ZBTB20: variants seen among roughly 807,000 people sequenced by gnomAD.
ZBTB20 encodes the protein zinc finger and BTB domain-containing protein 20.
A neutral mutation model predicts 56.9 loss-of-function variants in ZBTB20; 9 were observed. The observed-to-expected ratio is 0.16, with a 90% CI of 0.10 to 0.28. The LOEUF (loss-of-function observed/expected upper bound fraction) is 0.28, where lower values mean the gene tolerates loss of function less well. Among genes scored for constraint, ZBTB20 ranks in the 10% least tolerant of loss-of-function variants. The pLI is 1.00. For synonymous variants in ZBTB20, 417 were observed against 420.7 expected, an observed-to-expected ratio of 0.99 and a Z score of 0.11; for missense variants, 655 against 1,003.0, an observed-to-expected ratio of 0.65 and a Z score of 4.69.
chr3:114,385,560 C>A (rs1463066183), intron 8 of ZBTB20, among the ~76,000 whole-genome samples: 3 of 152,210 alleles, frequency 2.0e-5, no homozygotes, highest in African/African-American at 7.2e-5. Flanking sequence ...TGATATTCAT[C>A]ATGTTAGCTT....
chr3:115,064,010 C>A (rs2082112667), intron 2 of ZBTB20, among the ~76,000 whole-genome samples: 1 of 151,948 alleles, frequency 6.6e-6, no homozygotes, highest in South Asian at 2.1e-4. Flanking sequence ...TGTCACTTTG[C>A]CCCCCACATT....
chr3:114,440,803 G>A (rs1268892900), intron 7 of ZBTB20, among the ~76,000 whole-genome samples: 1 of 152,162 alleles, frequency 6.6e-6, no homozygotes, highest in Non-Finnish European at 1.5e-5. Context: ...GGCAGAACCT[G>A]CTCATCAACA....
At chr3:114,719,807 T>C (rs2064783694) in intron 5 of ZBTB20, among the ~76,000 whole-genome samples, 1 of 152,120 alleles carries the variant, frequency 6.6e-6, no homozygotes, top group South Asian at 2.1e-4. Flanking sequence ...GTAAAGCTGA[T>C]GTATTTTAAT....
chr3:114,823,976 G>T (rs954652975), intron 4 of ZBTB20, among the ~76,000 whole-genome samples: 7 of 151,890 alleles, frequency 4.6e-5, no homozygotes, highest in Non-Finnish European at 8.8e-5. Flanking sequence ...ACATATTTAG[G>T]GGTGAATTTT....
chr3:114,550,001 G>A (rs962529967), intron 6 of ZBTB20, among the ~76,000 whole-genome samples: 14 of 151,798 alleles, frequency 9.2e-5, no homozygotes, highest in Non-Finnish European at 8.8e-5. Context: ...GCAGTGGCGC[G>A]ATCTCAGCTC....
At chr3:115,134,957 A>T (rs1009967006) in intron 1 of ZBTB20, among the ~76,000 whole-genome samples, 4 of 152,232 alleles carry the variant, frequency 2.6e-5, no homozygotes, top group African/African-American at 9.6e-5. Flanking sequence ...CCAAAGACAG[A>T]GAGGACTCCA....
chr3:114,956,870 C>T (rs558286143), intron 3 of ZBTB20, among the ~76,000 whole-genome samples: 1 of 152,172 alleles, frequency 6.6e-6, no homozygotes, highest in African/African-American at 2.4e-5. Flanking sequence ...CTCAGTGAAC[C>T]TGTTCATACT....
intron 2 of ZBTB20, among the ~76,000 whole-genome samples, chr3:114,991,539 T>C (rs1310408429): frequency 1.3e-5 from 2 of 152,266 alleles, no homozygotes; most frequent in African/African-American, 4.8e-5. Context: ...TGGTCAATTT[T>C]GGAATAAGTG....
At chr3:114,495,544 T>C (rs2043199508) in intron 7 of ZBTB20, among the ~76,000 whole-genome samples, 1 of 152,212 alleles carries the variant, frequency 6.6e-6, no homozygotes, top group Non-Finnish European at 1.5e-5. Flanking sequence ...GTTTTCGCCT[T>C]AGTAATACTT....
intron 3 of ZBTB20, chr3:114,900,769 G>A (rs757603754): frequency 7.2e-5 from 11 of 152,024 alleles, no homozygotes; most frequent in Non-Finnish European, 1.3e-4. Context: ...ATAGAATGTT[G>A]TTAAGGAAGA....
At chr3:114,370,525 G>C (rs1309074472) in intron 10 of ZBTB20, among the ~76,000 whole-genome samples, 7 of 151,892 alleles carry the variant, frequency 4.6e-5, no homozygotes, top group Admixed American at 4.6e-4. Flanking sequence ...GCACTATCCT[G>C]GTTTTTCTCC....
chr3:114,515,766 T>A (rs2045916993), intron 6 of ZBTB20, among the ~76,000 whole-genome samples: 1 of 152,220 alleles, frequency 6.6e-6, no homozygotes, highest in African/African-American at 2.4e-5. Context: ...AGGATCTTAT[T>A]ATATCAGTTA....
chr3:115,052,237 T>C (rs2081578700), intron 2 of ZBTB20, among the ~76,000 whole-genome samples: 1 of 152,038 alleles, frequency 6.6e-6, no homozygotes, highest in African/African-American at 2.4e-5. Context: ...GGCGGGCAGA[T>C]CACAAGGTCA....
At chr3:114,359,131 C>T (rs2081543965) in intron 10 of ZBTB20, among the ~76,000 whole-genome samples, 1 of 152,054 alleles carries the variant, frequency 6.6e-6, no homozygotes, top group Admixed American at 6.5e-5. Context: ...TATTTATTAA[C>T]AATTGAATAT....
intron 5 of ZBTB20, among the ~76,000 whole-genome samples, chr3:114,757,239 T>A (rs1195008895): frequency 2.0e-5 from 3 of 152,140 alleles, no homozygotes; most frequent in Non-Finnish European, 4.4e-5. Flanking sequence ...GTGGGTTAAA[T>A]CAGAGAGAAA....
In ZBTB20 at chr3:114,916,246, T is replaced by C. The variant is rs183119724; in HGVS notation, c.-455-15904A>G. On this transcript the variant is annotated intron_variant, in intron 3 of 11. Coordinates refer to ENST00000675478, the MANE Select transcript of ZBTB20 (RefSeq NM_001348800.3). ...TCTGGGTGCTCCAGTGTTGGGTGTA[T>C]ATTTATTTACAGTTGTTATATCCTC... Among the ~76,000 whole-genome samples, 7 of 152,228 alleles carry C rather than the reference T, an allele frequency of 4.6e-5. No homozygotes were observed. In the East Asian group the frequency reaches 1.3e-3, roughly 29 times the overall value.
intron 2 of ZBTB20, among the ~76,000 whole-genome samples, chr3:114,991,291 T>C (rs896971256): frequency 2.0e-5 from 3 of 152,162 alleles, no homozygotes; most frequent in Non-Finnish European, 4.4e-5. Context: ...GTCCCAGAGA[T>C]TCTAGTATGC....
chr3:114,888,961 A>G (rs554285164), intron 4 of ZBTB20, among the ~76,000 whole-genome samples: 1 of 152,244 alleles, frequency 6.6e-6, no homozygotes, highest in East Asian at 1.9e-4. Context: ...TTACCTTTAA[A>G]AAGTCATAAC....
Position 114,776,550 on chromosome 3 carries a change from C to T in ZBTB20, c.-343+24551G>A, listed in dbSNP as rs568421447. On this transcript the variant is annotated intron_variant, in intron 5 of 11. Transcript: ENST00000675478. Reference sequence around the variant, plus strand: ...GCAGCCCTGCTGACATCTTGCTTCTCGCCCAATGATACCGATTTTGGACTT... The same window carrying T: ...GCAGCCCTGCTGACATCTTGCTTCTTGCCCAATGATACCGATTTTGGACTT... Among the ~76,000 whole-genome samples, 32 of 152,264 alleles carry T rather than the reference C, an allele frequency of 2.1e-4. No homozygotes were observed. In the South Asian group the frequency reaches 5.2e-3, roughly 25 times the overall value.
Sources: allele counts gnomAD v4.1 joint callset (sites outside exome capture counted in the v4.1 genomes callset), GRCh38; gene constraint gnomAD v4.1.1; transcripts MANE v1.5; gene names NCBI Gene and HGNC (gene_info 2026-07-23, HGNC 2026-07-21).